Variants in TMEM132E observed in about 807,000 individuals in gnomAD.
TMEM132E encodes transmembrane protein 132E.
A neutral mutation model predicts 78.5 loss-of-function variants in TMEM132E; 49 were observed. That is an observed-to-expected ratio of 0.62 (90% CI 0.50 to 0.79). TMEM132E has a LOEUF of 0.79. TMEM132E is among the 30% of genes least tolerant of loss of function. TMEM132E has a pLI of 0.00. For synonymous variants in TMEM132E, 715 were observed against 670.6 expected, an observed-to-expected ratio of 1.07 and a Z score of -1.02; for missense variants, 1,403 against 1,470.9, an observed-to-expected ratio of 0.95 and a Z score of 0.75.
Position 34,596,072 on chromosome 17 carries a change from A to ACACG in TMEM132E, c.67+14929_67+14930insCACG, listed in dbSNP as rs369148259. On this transcript the variant is annotated intron_variant, in intron 1 of 8. Coordinates refer to ENST00000631683, the MANE Select transcript of TMEM132E (RefSeq NM_001304438.2). ...CACACACACACACACACACACGCAC[A>ACACG]ACTTGCATTCCCCAGGCAACCAGTG... Among the ~76,000 whole-genome samples the ACACG allele has an allele frequency of 7.9e-3, 1,176 of 149,260 alleles. 62 individuals are homozygous for ACACG. The highest frequency in any genetic ancestry group is 0.028 in the African/African-American group (1,123 of 40,154).
rs551484768 is a variant in TMEM132E, at chr17:34,623,247, C to G, written c.68-2880C>G. The stretch of plus-strand genomic sequence containing the variant: ...CTTCATGCCCCTCTGAGTCCGGTGC[C>G]CATCTGGTGGTCTCTGCCCCTGCCG... On this transcript the variant is annotated intron_variant, in intron 1 of 8. Coordinates refer to ENST00000631683, the MANE Select transcript of TMEM132E (RefSeq NM_001304438.2). 3.3e-5 allele frequency among the ~76,000 whole-genome samples: 5 copies of G among 152,298 alleles called. No homozygotes were observed. The South Asian group carries it at 1.0e-3, about 32-fold the overall frequency.
chr17:34,628,679 C>T lies in TMEM132E; in HGVS notation c.1115C>T (p.Ala372Val). ...CACTCAACAGCCACCGTGGATGTGG[C>T]CTGGGCTCAGAGCACACCCCTGCCC... ...AKHSTATVDV[A>V]WAQSTPLPPR... Residue 372 changes from alanine to valine, a missense_variant, in exon 3 of 9, where the codon GCC (alanine) becomes GTC (valine). By Grantham distance (64) the Ala-to-Val change is moderately conservative. Coordinates refer to ENST00000631683, the MANE Select transcript of TMEM132E (RefSeq NM_001304438.2). 1 of 1,611,586 alleles carries T rather than the reference C, an allele frequency of 6.2e-7. No homozygotes were observed. Among genetic ancestry groups the T allele is most frequent in the Non-Finnish European group, 8.5e-7 (1 of 1,178,884 alleles).
chr17:34,627,689 G>A (rs1369563882), intron 2 of TMEM132E, among the ~76,000 whole-genome samples: 1 of 152,108 alleles, frequency 6.6e-6, no homozygotes, highest in African/African-American at 2.4e-5. Context: ...GTTATGTTGT[G>A]TGACTCTGAG....
intron 1 of TMEM132E, among the ~76,000 whole-genome samples, chr17:34,607,983 G>A (rs956053601): frequency 6.6e-6 from 1 of 152,182 alleles, no homozygotes; most frequent in Non-Finnish European, 1.5e-5. Context: ...ATGTAGGTGT[G>A]ATTGATTCGA....
At position 34,637,942 on chromosome 17, in the gene TMEM132E, G is replaced by A. The variant is rs1473191169; in HGVS notation, c.2935G>A (p.Val979Ile). The change falls in exon 9 of 9, where the codon GTC becomes ATC. Residue 979 changes from valine (V) to isoleucine (I), a missense_variant. Val to Ile is a conservative substitution (Grantham distance 29). This residue lies in a region of TMEM132E where 888 missense variants were observed against 952.8 expected (regional missense o/e 0.93). Transcript: ENST00000631683. ...HHSSGSSQTS[V>I]QSQVHGRGDG... ...CAGCAGCGGCAGCTCGCAGACCAGC[G>A]TCCAGAGCCAGGTGCACGGCAGGGG... The A allele has an allele frequency of 3.7e-6, 6 of 1,606,366 alleles. No homozygotes were observed. Among genetic ancestry groups the A allele is most frequent in the Admixed American group, 1.7e-5 (1 of 59,724 alleles).
chr17:34,637,257 A>G lies in TMEM132E; in HGVS notation c.2250A>G (p.Gly750=), dbSNP rs1023989072. 19 of 1,613,854 alleles carry G rather than the reference A, an allele frequency of 1.2e-5. No homozygotes were observed. The African/African-American group carries it at 2.3e-4, about 19-fold the overall frequency. ...PLSLYSPRDY[G]LLVSSLDEHV... ...CCCTCTACAGCCCACGAGACTATGG[A>G]CTGCTAGTGAGCAGCCTGGATGAGC... The change falls in exon 9 of 9, where the codon GGA becomes GGG. Residue 750 remains glycine, a synonymous_variant. Coordinates refer to ENST00000631683, the MANE Select transcript of TMEM132E (RefSeq NM_001304438.2).
chr17:34,590,931 A>G (rs1375068919), intron 1 of TMEM132E, among the ~76,000 whole-genome samples: 1 of 152,040 alleles, frequency 6.6e-6, no homozygotes, highest in Non-Finnish European at 1.5e-5. Flanking sequence ...TGGGATGGGA[A>G]ATGAGCACCA....
chr17:34,594,046 C>G (rs1905973722), intron 1 of TMEM132E, among the ~76,000 whole-genome samples: 2 of 152,218 alleles, frequency 1.3e-5, no homozygotes, highest in African/African-American at 4.8e-5. Context: ...CCTGGTCCCC[C>G]TCTATCTAAA....
intron 5 of TMEM132E, among the ~76,000 whole-genome samples, chr17:34,630,728 C>T (rs58765320): frequency 8.3e-4 from 127 of 152,262 alleles, no homozygotes; most frequent in African/African-American, 2.9e-3. Context: ...CCACTCCCGG[C>T]ACACACGCTC....
intron 1 of TMEM132E, among the ~76,000 whole-genome samples, chr17:34,599,247 G>A (rs1446671644): frequency 6.6e-6 from 1 of 152,234 alleles, no homozygotes; most frequent in Non-Finnish European, 1.5e-5. Flanking sequence ...GAGCATGGAA[G>A]ATGAATGACT....
At chr17:34,590,075 G>A (rs934330499) in intron 1 of TMEM132E, among the ~76,000 whole-genome samples, 1 of 152,170 alleles carries the variant, frequency 6.6e-6, no homozygotes. Context: ...TGGTGCAGAG[G>A]GCTGGGCTCC....
chr17:34,583,281 C>T (rs1905557257), intron 1 of TMEM132E, among the ~76,000 whole-genome samples: 1 of 152,232 alleles, frequency 6.6e-6, no homozygotes, highest in Non-Finnish European at 1.5e-5. Context: ...GCGGACATTT[C>T]CCCTCCTGAC....
At chr17:34,609,109 TG>T (rs1041036197) in intron 1 of TMEM132E, among the ~76,000 whole-genome samples, 11 of 152,058 alleles carry the variant, frequency 7.2e-5, no homozygotes, top group African/African-American at 2.7e-4. Context: ...TTTTGTAAAA[TG>T]GGGGTGAATC....
intron 5 of TMEM132E, among the ~76,000 whole-genome samples, chr17:34,631,159 G>T (rs1392362888): frequency 2.0e-5 from 3 of 152,186 alleles, no homozygotes; most frequent in East Asian, 3.9e-4. Context: ...TTGTCACTTG[G>T]GCTCCCTCCT....
rs1907597671 is a variant in TMEM132E, at chr17:34,638,038, A to G, written c.3031A>G (p.Lys1011Glu). 3.2e-6 allele frequency: 5 copies of G among 1,576,810 alleles called. No individual in the cohort carries two copies. The highest frequency in any genetic ancestry group is 3.4e-6 in the Non-Finnish European group (4 of 1,161,308). Reference sequence around the variant, plus strand: ...CGCCAGCTCGCCCACCTCCAAGCGCAAGCGGGTCAAGTTCACCACCTTCAC... The same window carrying G: ...CGCCAGCTCGCCCACCTCCAAGCGCGAGCGGGTCAAGTTCACCACCTTCAC... ...DPASSPTSKR[K>E]RVKFTTFTTL... is the part of the protein sequence containing the mutation. The change falls in exon 9 of 9, where the codon AAG becomes GAG. Residue 1011 changes from lysine (K) to glutamate (E), a missense_variant. This residue lies in a region of TMEM132E where 888 missense variants were observed against 952.8 expected (regional missense o/e 0.93). Coordinates refer to ENST00000631683, the MANE Select transcript of TMEM132E (RefSeq NM_001304438.2).
intron 5 of TMEM132E, among the ~76,000 whole-genome samples, chr17:34,632,331 C>T (rs1907373385): frequency 6.6e-6 from 1 of 152,220 alleles, no homozygotes; most frequent in Non-Finnish European, 1.5e-5. Context: ...CCTGCCAGAC[C>T]CCTGGCTCCA....
At chr17:34,629,555 G>A (rs1907277839) in intron 4 of TMEM132E, among the ~76,000 whole-genome samples, 1 of 152,018 alleles carries the variant, frequency 6.6e-6, no homozygotes, top group Non-Finnish European at 1.5e-5. Flanking sequence ...GGCATTACTT[G>A]GGCAAAGGTA....
intron 1 of TMEM132E, among the ~76,000 whole-genome samples, chr17:34,592,013 T>G (rs1404820117): frequency 6.6e-6 from 1 of 152,262 alleles, no homozygotes; most frequent in African/African-American, 2.4e-5. Flanking sequence ...CTTTCCATCC[T>G]TTCTTGCCTA....
At chr17:34,604,572 G>A (rs976044118) in intron 1 of TMEM132E, among the ~76,000 whole-genome samples, 54 of 151,876 alleles carry the variant, frequency 3.6e-4, no homozygotes, top group African/African-American at 1.3e-3. Flanking sequence ...ACACATGTGC[G>A]CACCCTCTGC....
Sources: allele counts gnomAD v4.1 joint callset (sites outside exome capture counted in the v4.1 genomes callset), GRCh38; gene constraint gnomAD v4.1.1; regional missense constraint gnomAD v4.1.1; transcripts MANE v1.5; gene names NCBI Gene and HGNC (gene_info 2026-07-23, HGNC 2026-07-21).